ENTPD7: variants seen among roughly 807,000 people sequenced by gnomAD.
The protein encoded by ENTPD7 is ectonucleoside triphosphate diphosphohydrolase 7.
A neutral mutation model predicts 77.9 loss-of-function variants in ENTPD7; 53 were observed. The observed-to-expected ratio is 0.68, with a 90% CI of 0.55 to 0.85. The LOEUF (loss-of-function observed/expected upper bound fraction) is 0.85, where lower values mean the gene tolerates loss of function less well. ENTPD7 is among the 40% of genes least tolerant of loss of function. ENTPD7 has a pLI of 0.00. For synonymous variants in ENTPD7, 248 were observed against 274.9 expected (o/e 0.90, Z 0.97); for missense variants, 636 against 743.7 (o/e 0.86, Z 1.68).
intron 5 of ENTPD7, among the ~76,000 whole-genome samples, chr10:99,682,087 A>T (rs565346689): frequency 7.9e-5 from 12 of 152,200 alleles, no homozygotes; most frequent in African/African-American, 2.6e-4. Context: ...TGTCATATCA[A>T]TGAGACCATT....
At chr10:99,667,421 A>G (rs1051219108) in intron 3 of ENTPD7, among the ~76,000 whole-genome samples, 3 of 152,232 alleles carry the variant, frequency 2.0e-5, no homozygotes, top group African/African-American at 7.2e-5. Context: ...AGGAAAAATT[A>G]TTTCCCAGTG....
rs1018071631 is a variant in ENTPD7, at chr10:99,706,927, ATGAACT to A, written c.*2249_*2254del. Among the ~76,000 whole-genome samples, 2 of 152,218 alleles carry A rather than the reference ATGAACT, an allele frequency of 1.3e-5. No individual in the cohort carries two copies. Among genetic ancestry groups the A allele is most frequent in the African/African-American group, 4.8e-5 (2 of 41,464 alleles). Reference sequence around the variant, plus strand: ...CAGTGATCATGTTCATGTGCTAAAAATGAACTTGAAACACGGAAGTAGTGGTTGGTC... The same window carrying A: ...CAGTGATCATGTTCATGTGCTAAAAATGAAACACGGAAGTAGTGGTTGGTC... On this transcript the variant is annotated 3_prime_UTR_variant, in exon 13 of 13. Coordinates refer to ENST00000370489, the MANE Select transcript of ENTPD7 (RefSeq NM_020354.5).
intron 3 of ENTPD7, among the ~76,000 whole-genome samples, chr10:99,665,300 G>A (rs886602711): frequency 6.6e-6 from 1 of 151,560 alleles, no homozygotes; most frequent in Non-Finnish European, 1.5e-5. Context: ...GTAGCAACCA[G>A]GGCAGCATAT....
Position 99,710,047 on chromosome 10 carries a change from C to T in ENTPD7, c.*5364C>T, listed in dbSNP as rs549833297. 1 of 985,428 alleles carries T rather than the reference C, an allele frequency of 1.0e-6. No individual in the cohort carries two copies. The highest frequency in any genetic ancestry group is 4.7e-5 in the South Asian group (1 of 21,288). The allele number at this position is 985,428 out of a possible 1,614,324, so 61.0% of individuals were successfully genotyped here. On this transcript the variant is annotated 3_prime_UTR_variant, in exon 13 of 13. Coordinates refer to ENST00000370489, the MANE Select transcript of ENTPD7 (RefSeq NM_020354.5). ...GAATCACAGGCTATGTATAGCCACA[C>T]ATGCATGACTTCAGGCTAGCATAAA...
chr10:99,684,866 A>G (rs1046629056), intron 5 of ENTPD7, among the ~76,000 whole-genome samples: 4 of 152,202 alleles, frequency 2.6e-5, no homozygotes, highest in African/African-American at 9.6e-5. Flanking sequence ...AAATGTTGTT[A>G]TGTCCTCTGG....
Position 99,659,925 on chromosome 10 carries a change from G to A in ENTPD7, c.-32G>A, listed in dbSNP as rs1332650869. ...CTTCTCAGGGCAAAAGAAAAAGAAG[G>A]TGACAGGCGTTGAGACCACCGAAGG... On this transcript the variant is annotated 5_prime_UTR_variant, in exon 2 of 13. The change creates a new upstream start codon in the 5' untranslated region. Coordinates refer to ENST00000370489, the MANE Select transcript of ENTPD7 (RefSeq NM_020354.5). This position sits in a 1 kb window ranked among gnomAD's most constrained non-coding sequence, Gnocchi z 4.1. The A allele has an allele frequency of 1.2e-6, 2 of 1,613,768 alleles. No homozygotes were observed. Among genetic ancestry groups the A allele is most frequent in the African/African-American group, 2.7e-5 (2 of 74,868 alleles).
At chr10:99,691,050 G>A (rs891906119) in intron 7 of ENTPD7, among the ~76,000 whole-genome samples, 2 of 151,906 alleles carry the variant, frequency 1.3e-5, no homozygotes, top group African/African-American at 4.8e-5. Flanking sequence ...TTAGTGGTGC[G>A]ATAATAGCTC....
intron 7 of ENTPD7, 130 bp downstream of exon 7, chr10:99,688,880 A>C (rs952766735): frequency 1.2e-6 from 1 of 825,594 alleles, no homozygotes; most frequent in Admixed American, 2.4e-5. Context: ...TTCATTTTCC[A>C]GTCCTAATTT....
chr10:99,676,232 ATATATT>A (rs1304252374), intron 3 of ENTPD7, among the ~76,000 whole-genome samples: 1 of 152,052 alleles, frequency 6.6e-6, no homozygotes, highest in East Asian at 1.9e-4. Flanking sequence ...TTTTATAAAA[ATATATT>A]TATATGTAAT....
intron 3 of ENTPD7, among the ~76,000 whole-genome samples, chr10:99,678,244 G>A (rs539533275): frequency 2.6e-5 from 4 of 151,778 alleles, no homozygotes; most frequent in African/African-American, 7.2e-5. Flanking sequence ...TGAGGCAGGC[G>A]GATCACGAGG....
intron 3 of ENTPD7, among the ~76,000 whole-genome samples, chr10:99,677,392 T>G (rs2035696604): frequency 7.8e-6 from 1 of 128,208 alleles, no homozygotes; most frequent in Non-Finnish European, 1.6e-5. Flanking sequence ...TGAGATGGAG[T>G]CTCGCTCTGT....
In ENTPD7 at chr10:99,698,635, T is replaced by C. The variant is rs200556307; in HGVS notation, c.1112T>C (p.Leu371Ser). The change falls in exon 10 of 13, where the codon TTA becomes TCA. Residue 371 changes from leucine to serine, a missense_variant. This residue lies in a region of ENTPD7 where 486 missense variants were observed against 556.5 expected (regional missense o/e 0.87). Transcript: ENST00000370489. ...GTGGTGGAGAGGAACAGCCAAGTCT[T>C]ACATGTCCGAGGAAGAGGAGACTGG... ...TDVVERNSQV[L>S]HVRGRGDWVS... is the part of the protein sequence containing the mutation. 12 of 1,614,174 alleles carry C rather than the reference T, an allele frequency of 7.4e-6. No individual in the cohort carries two copies. The East Asian group carries it at 1.6e-4, about 21-fold the overall frequency.
intron 3 of ENTPD7, among the ~76,000 whole-genome samples, chr10:99,667,763 A>G (rs369012173): frequency 7.2e-5 from 11 of 152,156 alleles, no homozygotes; most frequent in African/African-American, 2.2e-4. Flanking sequence ...ATAATCAGTT[A>G]TATCTGGCAT....
intron 3 of ENTPD7, among the ~76,000 whole-genome samples, chr10:99,665,711 C>T (rs4919379): frequency 0.86 from 130,283 of 151,532 alleles, 56,064 homozygotes; most frequent in Middle Eastern, 0.92. Context: ...TCTTTTTAAA[C>T]GTTACTGAAA....
intron 9 of ENTPD7, among the ~76,000 whole-genome samples, chr10:99,696,953 G>A (rs1222114671): frequency 6.6e-6 from 1 of 152,120 alleles, no homozygotes; most frequent in Non-Finnish European, 1.5e-5. Context: ...CGGAGAGAAG[G>A]ACCACAGATG....
chr10:99,698,732 A>G lies in ENTPD7; in HGVS notation c.1209A>G (p.Ile403Met), dbSNP rs778461277. The change falls in exon 10 of 13, where the codon ATA becomes ATG. Residue 403 changes from isoleucine (I) to methionine (M), a missense_variant. By Grantham distance (10) the Ile-to-Met change is conservative (BLOSUM62 1). Around this residue, in one of 3 missense-constraint regions of ENTPD7, gnomAD observed 486 missense variants for 556.5 expected, o/e 0.87. Transcript: ENST00000370489. ...CCAGCCAGGCCTCACTCAATGGCAT[A>G]TATCAATCGCCTATTGACTTCAACA... ...SNTSQASLNG[I>M]YQSPIDFNNS... The G allele has an allele frequency of 2.4e-5, 38 of 1,614,092 alleles. No homozygotes were observed. The highest frequency in any genetic ancestry group is 2.8e-5 in the Non-Finnish European group (33 of 1,180,058).
At chr10:99,696,170 C>A in intron 9 of ENTPD7, 48 bp downstream of exon 9, 1 of 1,594,030 alleles carries the variant, frequency 6.3e-7, no homozygotes. Context: ...TGTCAGGCTG[C>A]AGATATTAGG....
chr10:99,671,360 C>T lies in ENTPD7; in HGVS notation c.192-7901C>T, dbSNP rs1307387260. Among the ~76,000 whole-genome samples the T allele has an allele frequency of 4.6e-5, 7 of 152,104 alleles. No homozygotes were observed. In the East Asian group the frequency reaches 1.4e-3, roughly 29 times the overall value. On this transcript the variant is annotated intron_variant, in intron 3 of 12. Transcript: ENST00000370489. ...TGTAAAGCTATAGGGAAATATTTTC[C>T]TTATAGTATTCTTATTCTATAAGTT...
chr10:99,661,697 CT>C lies in ENTPD7; in HGVS notation c.191+72del. On this transcript the variant is annotated intron_variant, in intron 3 of 12. Coordinates refer to ENST00000370489, the MANE Select transcript of ENTPD7 (RefSeq NM_020354.5). ...CATAAGCTGTTTAACACACTACTGA[CT>C]TTGACCCTTTTGGGTGATACTGTAC... 6 of 1,342,026 alleles carry C rather than the reference CT, an allele frequency of 4.5e-6. No homozygotes were observed. The South Asian group carries it at 7.7e-5, about 17-fold the overall frequency. 83.1% of individuals were successfully genotyped at this position (1,342,026 alleles called of 1,614,324 possible). A position where few individuals can be genotyped will look rare whatever the true frequency, so the allele number is the denominator to read the frequency against.
Sources: allele counts gnomAD v4.1 joint callset (sites outside exome capture counted in the v4.1 genomes callset), GRCh38; gene constraint gnomAD v4.1.1; regional missense constraint gnomAD v4.1.1; non-coding constraint Gnocchi (gnomAD v3.1); transcripts MANE v1.5; gene names NCBI Gene and HGNC (gene_info 2026-07-23, HGNC 2026-07-21).